Variants in TRIM16 observed in about 807,000 individuals in gnomAD.
TRIM16 encodes tripartite motif containing 16, also known as tripartite motif-containing protein 16.
A neutral mutation model predicts 50.4 loss-of-function variants in TRIM16; 33 were observed. The observed-to-expected ratio is 0.65, with a 90% CI of 0.50 to 0.88. TRIM16 has a LOEUF of 0.88. Ranked by LOEUF, TRIM16 falls within the 40% of genes least tolerant of loss-of-function variation. The pLI is 0.00. For missense variants in TRIM16, 581 were observed against 686.8 expected, an observed-to-expected ratio of 0.85 and a Z score of 1.72; for synonymous variants, 229 against 270.7, an observed-to-expected ratio of 0.85 and a Z score of 1.51.
At position 15,628,483 on chromosome 17, in the gene TRIM16, T is replaced by C. The variant is rs1198440974; in HGVS notation, c.*132A>G. The C allele has an allele frequency of 1.4e-5, 10 of 702,060 alleles. No homozygotes were observed. Among genetic ancestry groups the C allele is most frequent in the Non-Finnish European group, 1.9e-5 (8 of 430,540 alleles). 43.5% of individuals were successfully genotyped at this position (702,060 alleles called of 1,614,324 possible). On this transcript the variant is annotated 3_prime_UTR_variant, in exon 12 of 12. Transcript: ENST00000649191. ...GGAGCAAAAGAGAGCAGCTGGAGAA[T>C]GTTTTCATTCAGAGACCCCATAGGA...
intron 6 of TRIM16, among the ~76,000 whole-genome samples, chr17:15,669,911 A>G (rs1031381247): frequency 4.6e-5 from 7 of 152,108 alleles, no homozygotes; most frequent in African/African-American, 1.4e-4. Context: ...CCCTCCCCCA[A>G]TTGTGACAAC....
chr17:15,665,553 T>C (rs1988462991), intron 6 of TRIM16, among the ~76,000 whole-genome samples: 2 of 152,086 alleles, frequency 1.3e-5, no homozygotes, highest in African/African-American at 2.4e-5. Context: ...AACAACATAA[T>C]GTATCGGGAA....
chr17:15,651,165 T>C lies in TRIM16; in HGVS notation c.445A>G (p.Ile149Val). The C allele has an allele frequency of 6.2e-7, 1 of 1,614,208 alleles. No homozygotes were observed. Among genetic ancestry groups the C allele is most frequent in the Non-Finnish European group, 8.5e-7 (1 of 1,180,036 alleles). ...TGCTCCTGGCAACAGTCCTGGCAGA[T>C]GCACTGCTGATCAGGGCAGCAGAAG... Reference protein sequence around the residue: ...SAFCCPDQQCICQDCCQEHSG... With the variant: ...SAFCCPDQQCVCQDCCQEHSG... Residue 149 changes from isoleucine (I) to valine (V), a missense_variant, in exon 7 of 12, where the codon ATC becomes GTC. Coordinates refer to ENST00000649191, the MANE Select transcript of TRIM16 (RefSeq NM_001348119.1).
intron 6 of TRIM16, among the ~76,000 whole-genome samples, chr17:15,655,215 C>A (rs568127905): frequency 6.6e-6 from 1 of 152,234 alleles, no homozygotes; most frequent in Admixed American, 6.5e-5. Context: ...CTGAACTGGT[C>A]CACCCGCATA....
At chr17:15,680,326 G>GTTT (rs1345005957) in intron 4 of TRIM16, among the ~76,000 whole-genome samples, 2 of 110,540 alleles carry the variant, frequency 1.8e-5, no homozygotes, top group African/African-American at 9.1e-5. Context: ...TTTATATTGA[G>GTTT]TAGGCCCTTA....
intron 6 of TRIM16, among the ~76,000 whole-genome samples, chr17:15,655,456 T>C (rs189835154): frequency 9.9e-5 from 15 of 152,264 alleles, no homozygotes; most frequent in Admixed American, 7.2e-4. Context: ...TTCATGGGAG[T>C]GCTCAGCCCT....
chr17:15,628,878 C>T lies in TRIM16; in HGVS notation c.1432G>A (p.Ala478Thr), dbSNP rs1986244976. The T allele has an allele frequency of 1.2e-6, 2 of 1,614,112 alleles. No individual in the cohort carries two copies. The highest frequency in any genetic ancestry group is 1.3e-5 in the African/African-American group (1 of 74,942). ...GGGGTCTCCATGTCACTGTACCAGG[C>T]CGTGAACTCCTTCCCGTTCCATTGG... ...SLQWNGKEFT[A>T]WYSDMETPLK... The change falls in exon 12 of 12, where the codon GCC becomes ACC. Residue 478 changes from alanine (A) to threonine (T), a missense_variant. Around this residue, in one of 3 missense-constraint regions of TRIM16, gnomAD observed 115 missense variants for 106.7 expected, o/e 1.08. Transcript: ENST00000649191.
intron 6 of TRIM16, among the ~76,000 whole-genome samples, chr17:15,652,960 G>A (rs1224036365): frequency 6.6e-6 from 1 of 152,110 alleles, no homozygotes; most frequent in East Asian, 1.9e-4. Context: ...TCCTAGACAT[G>A]GTGTTATAGT....
chr17:15,645,538 T>G lies in TRIM16; in HGVS notation c.520-2722A>C, dbSNP rs137866890. ...AACCTCAAAGACCCTGTCACTTTCC[T>G]ACTTCCACAAGGGCAATATACAAAA... is the stretch of plus-strand genomic sequence containing the variant. On this transcript the variant is annotated intron_variant, in intron 7 of 11. Coordinates refer to ENST00000649191, the MANE Select transcript of TRIM16 (RefSeq NM_001348119.1). 5.0e-3 allele frequency among the ~76,000 whole-genome samples: 760 copies of G among 151,430 alleles called. 9 individuals carry two copies. Among genetic ancestry groups the G allele is most frequent in the African/African-American group, 0.017 (689 of 41,202 alleles).
At chr17:15,637,276 T>G (rs1597609931) in intron 8 of TRIM16, among the ~76,000 whole-genome samples, 1 of 106,280 alleles carries the variant, frequency 9.4e-6, no homozygotes, top group Non-Finnish European at 1.9e-5. Flanking sequence ...GGGGCGCCTC[T>G]GCCCGGCCGC....
chr17:15,673,472 C>T (rs1480408310), intron 6 of TRIM16, among the ~76,000 whole-genome samples: 1 of 152,048 alleles, frequency 6.6e-6, no homozygotes, highest in African/African-American at 2.4e-5. Flanking sequence ...TCAGAATAGC[C>T]CTTTTAGTGA....
At chr17:15,662,284 A>G (rs531161634) in intron 6 of TRIM16, among the ~76,000 whole-genome samples, 1 of 152,302 alleles carries the variant, frequency 6.6e-6, no homozygotes, top group Admixed American at 6.5e-5. Flanking sequence ...CAGAATTTAA[A>G]TGCACACTTG....
At chr17:15,679,608 G>A (rs1445103264) in intron 4 of TRIM16, among the ~76,000 whole-genome samples, 2 of 152,196 alleles carry the variant, frequency 1.3e-5, no homozygotes, top group Non-Finnish European at 2.9e-5. Flanking sequence ...CTTCAGTTAA[G>A]TTGAGAGAGA....
chr17:15,657,385 C>T, intron 6 of TRIM16, among the ~76,000 whole-genome samples: 1 of 152,282 alleles, frequency 6.6e-6, no homozygotes. Flanking sequence ...TACAGGTGCA[C>T]ACTACTGTGC....
chr17:15,670,649 GA>G (rs1453540065), intron 6 of TRIM16, among the ~76,000 whole-genome samples: 2 of 152,122 alleles, frequency 1.3e-5, no homozygotes, highest in African/African-American at 4.8e-5. Context: ...TAAAATCTAT[GA>G]ACAGGGATGA....
At position 15,657,863 on chromosome 17, in the gene TRIM16, T is replaced by C. The variant is rs116662104; in HGVS notation, c.-337-5917A>G. Among the ~76,000 whole-genome samples the C allele has an allele frequency of 1.3e-3, 195 of 152,328 alleles. 1 individual carries two copies. Among genetic ancestry groups the C allele is most frequent in the African/African-American group, 3.5e-3 (147 of 41,572 alleles). ...TTCATCAGGTGTTGATTGGACATCA[T>C]TGGCTTCCTCTTAACCCCAAGCATT... On this transcript the variant is annotated intron_variant, in intron 6 of 11. Transcript: ENST00000649191.
intron 8 of TRIM16, among the ~76,000 whole-genome samples, chr17:15,642,382 C>A (rs899475799): frequency 6.7e-6 from 1 of 149,100 alleles, no homozygotes; most frequent in East Asian, 2.0e-4. Flanking sequence ...GCCAAGATAA[C>A]GTATAGTTTT....
At chr17:15,673,100 T>C (rs1347487505) in intron 6 of TRIM16, among the ~76,000 whole-genome samples, 1 of 152,228 alleles carries the variant, frequency 6.6e-6, no homozygotes, top group East Asian at 1.9e-4. Context: ...CAATGGTTTC[T>C]ACCAATCCAA....
chr17:15,640,846 C>T (rs1987082133), intron 8 of TRIM16, among the ~76,000 whole-genome samples: 1 of 148,652 alleles, frequency 6.7e-6, no homozygotes, highest in Admixed American at 6.7e-5. Context: ...ACAGAGGCCA[C>T]AGAGTGCTCC....
Sources: allele counts gnomAD v4.1 joint callset (sites outside exome capture counted in the v4.1 genomes callset), GRCh38; gene constraint gnomAD v4.1.1; regional missense constraint gnomAD v4.1.1; transcripts MANE v1.5; gene names NCBI Gene and HGNC (gene_info 2026-07-23, HGNC 2026-07-21).